EPHB3: variants seen among roughly 807,000 people sequenced by gnomAD.
EPHB3 encodes EPH receptor B3.
EPHB3 carries 33 observed loss-of-function variants against 100.2 expected under a neutral mutation model. The observed-to-expected ratio is 0.33, with a 90% CI of 0.25 to 0.44. EPHB3 has a LOEUF of 0.44. Ranked by LOEUF, EPHB3 falls within the 20% of genes least tolerant of loss-of-function variation. The pLI is 1.00. For synonymous variants in EPHB3, 526 were observed against 554.7 expected (o/e 0.95, Z 0.73); for missense variants, 1,045 against 1,378.3 (o/e 0.76, Z 3.83).
At position 184,580,564 on chromosome 3, in the gene EPHB3, C is replaced by T; in HGVS notation, c.2335C>T (p.Leu779Phe). 1 of 1,614,208 alleles carries T rather than the reference C, an allele frequency of 6.2e-7. No individual in the cohort carries two copies. The highest frequency in any genetic ancestry group is 8.5e-7 in the Non-Finnish European group (1 of 1,180,022). The stretch of plus-strand genomic sequence containing the variant: ...GGTCTGCAAAGTCTCAGACTTTGGC[C>T]TCTCCCGCTTCCTGGAGGATGACCC... ...NLVCKVSDFG[L>F]SRFLEDDPSD... Residue 779 changes from leucine (L) to phenylalanine (F), a missense_variant, in exon 12 of 16, where the codon CTC becomes TTC. Physicochemically the swap from Leu to Phe is conservative, Grantham distance 22. Around this residue, in one of 2 missense-constraint regions of EPHB3, gnomAD observed 985 missense variants for 1,331.1 expected, o/e 0.74. Coordinates refer to ENST00000330394, the MANE Select transcript of EPHB3 (RefSeq NM_004443.4).
chr3:184,576,710 A>G, intron 4 of EPHB3, 132 bp from the exon 5 acceptor site: 1 of 829,614 alleles, frequency 1.2e-6, no homozygotes, highest in Non-Finnish European at 1.8e-6. Context: ...AAATGTAGGA[A>G]CGTTATTCTG....
In EPHB3 at chr3:184,565,912, G is replaced by A. The variant is rs1036858339; in HGVS notation, c.118+3559G>A. On this transcript the variant is annotated intron_variant, in intron 1 of 15. Coordinates refer to ENST00000330394, the MANE Select transcript of EPHB3 (RefSeq NM_004443.4). The surrounding 1 kb of genome is among the most constrained non-coding windows in gnomAD (Gnocchi z 4.8). ...GCCGTGGGCAAGGCCTCTGCCGCACGGCCTTCCACTAATTAAACAGCATGA... is the reference window on the plus strand; with the variant it reads ...GCCGTGGGCAAGGCCTCTGCCGCACAGCCTTCCACTAATTAAACAGCATGA... Among the ~76,000 whole-genome samples the A allele has an allele frequency of 1.2e-4, 18 of 152,330 alleles. No individual in the cohort carries two copies. The highest frequency in any genetic ancestry group is 3.8e-4 in the African/African-American group (16 of 41,566).
Position 184,565,159 on chromosome 3 carries a change from T to C in EPHB3, c.118+2806T>C, listed in dbSNP as rs1714351792. Among the ~76,000 whole-genome samples the C allele has an allele frequency of 2.0e-5, 3 of 152,064 alleles. No homozygotes were observed. The highest frequency in any genetic ancestry group is 2.0e-4 in the Admixed American group (3 of 15,264). ...TGTGGATGGAGCCTGGGTCCTTGCT[T>C]GTCCTCGTGGTTGAAAACATGCCCT... On this transcript the variant is annotated intron_variant, in intron 1 of 15. Coordinates refer to ENST00000330394, the MANE Select transcript of EPHB3 (RefSeq NM_004443.4). The surrounding 1 kb of genome is among the most constrained non-coding windows in gnomAD (Gnocchi z 4.8).
chr3:184,579,581 G>A lies in EPHB3; in HGVS notation c.1906G>A (p.Glu636Lys). 2.5e-6 allele frequency: 4 copies of A among 1,614,028 alleles called. No homozygotes were observed. The highest frequency in any genetic ancestry group is 1.3e-5 in the African/African-American group (1 of 74,980). The change falls in exon 10 of 16, where the codon GAG (glutamate) becomes AAG (lysine). Residue 636 changes from glutamate (E) to lysine (K), a missense_variant. By Grantham distance (56) the Glu-to-Lys change is moderately conservative. Around this residue, in one of 2 missense-constraint regions of EPHB3, gnomAD observed 985 missense variants for 1,331.1 expected, o/e 0.74. Transcript: ENST00000330394. This position sits in a 1 kb window ranked among gnomAD's most constrained non-coding sequence, Gnocchi z 5.2. Reference protein sequence around the residue: ...KEIDVSCVKIEEVIGAGEFGE... With the variant: ...KEIDVSCVKIKEVIGAGEFGE... ...GATCGACGTGTCCTGCGTCAAGATC[G>A]AGGAGGTGATCGGAGCTGGTGAGTC...
intron 1 of EPHB3, among the ~76,000 whole-genome samples, chr3:184,564,199 ACCTCC>A (rs1714326091): frequency 6.6e-6 from 1 of 151,898 alleles, no homozygotes; most frequent in Non-Finnish European, 1.5e-5. Context: ...CGGCCTGCCC[ACCTCC>A]CCTCCACTGT....
rs994510785 is a variant in EPHB3 at position 184,569,420 on chromosome 3, C to G, written c.119-1898C>G. 2.0e-5 allele frequency among the ~76,000 whole-genome samples: 3 copies of G among 151,874 alleles called. No individual in the cohort carries two copies. Among genetic ancestry groups the G allele is most frequent in the African/African-American group, 7.3e-5 (3 of 41,356 alleles). ...CGCCAGCCGGCTCCGCACATCCCTC[C>G]GGCTCCGTGCCGCCCACCGCCCGCC... On this transcript the variant is annotated intron_variant, in intron 1 of 15. Coordinates refer to ENST00000330394, the MANE Select transcript of EPHB3 (RefSeq NM_004443.4). The surrounding 1 kb of genome is among the most constrained non-coding windows in gnomAD (Gnocchi z 5.4).
At position 184,575,950 on chromosome 3, in the gene EPHB3, G is replaced by C; in HGVS notation, c.977G>C (p.Arg326Pro). 6.2e-7 allele frequency: 1 copy of C among 1,613,708 alleles called. No homozygotes were observed. The highest frequency in any genetic ancestry group is 8.5e-7 in the Non-Finnish European group (1 of 1,179,806). ...TGCACCTGCCACAATAACTTCTACC[G>C]TGCAGACTCGGACTCTGCGGACAGT... ...SICTCHNNFY[R>P]ADSDSADSAC... The change falls in exon 4 of 16, where the codon CGT becomes CCT. Residue 326 changes from arginine (R) to proline (P), a missense_variant. Physicochemically the swap from Arg to Pro is moderately radical, Grantham distance 103. Transcript: ENST00000330394.
chr3:184,575,245 C>T (rs1333287723), intron 3 of EPHB3: 4 of 984,744 alleles, frequency 4.1e-6, no homozygotes, highest in Non-Finnish European at 4.8e-6. Context: ...TCCAGGTGAC[C>T]CCAGCCTTCC....
rs35514470 is a variant in EPHB3 at position 184,582,253 on chromosome 3, A to AGTGT, written c.*653_*656dup. On this transcript the variant is annotated 3_prime_UTR_variant, in exon 16 of 16. Transcript: ENST00000330394. The stretch of plus-strand genomic sequence containing the variant: ...CTCAGAGCCAGAGATGGGATGTGTG[A>AGTGT]GTGTGTGTGTGTGTGTGTGTGTGTG... 71 of 150,780 alleles carry AGTGT rather than the reference A, an allele frequency of 4.7e-4. No individual in the cohort carries two copies. Among genetic ancestry groups the AGTGT allele is most frequent in the Non-Finnish European group, 8.4e-4 (57 of 67,998 alleles). The allele number at this position is 150,780 out of a possible 1,614,324, so 9.3% of individuals were successfully genotyped here.
intron 1 of EPHB3, among the ~76,000 whole-genome samples, chr3:184,568,598 C>G (rs1560054810): frequency 6.6e-6 from 1 of 150,666 alleles, no homozygotes; most frequent in East Asian, 1.9e-4. Context: ...TATGACCCCC[C>G]CCCCACATCC....
In EPHB3 at chr3:184,578,768, G is replaced by A. The variant is rs113771686; in HGVS notation, c.1801+302G>A. Among the ~76,000 whole-genome samples the A allele has an allele frequency of 6.1e-3, 927 of 152,310 alleles. 8 individuals are homozygous for A. Among genetic ancestry groups the A allele is most frequent in the African/African-American group, 0.021 (874 of 41,560 alleles). On this transcript the variant is annotated intron_variant, in intron 9 of 15. Coordinates refer to ENST00000330394, the MANE Select transcript of EPHB3 (RefSeq NM_004443.4). This position sits in a 1 kb window ranked among gnomAD's most constrained non-coding sequence, Gnocchi z 4.7. ...TTGAGAACAATTAAGGGTTGAGCTG[G>A]GTGCTCCTGTTGTAAAGGGCACTAA...
intron 1 of EPHB3, among the ~76,000 whole-genome samples, chr3:184,570,956 C>CTTTT (rs35707076): frequency 5.8e-5 from 8 of 137,456 alleles, no homozygotes; most frequent in African/African-American, 1.9e-4. Context: ...TTCTTTCTTT[C>CTTTT]TTTTTTTTTT....
intron 1 of EPHB3, among the ~76,000 whole-genome samples, chr3:184,567,808 C>T (rs770625665): frequency 2.6e-5 from 4 of 152,110 alleles, no homozygotes; most frequent in African/African-American, 9.7e-5. Flanking sequence ...GGGTGAGTGC[C>T]CTCTGTGTGC....
rs1182532667 is a variant in EPHB3, at chr3:184,577,428, C to A, written c.1440C>A (p.Asn480Lys). 1 of 1,614,040 alleles carries A rather than the reference C, an allele frequency of 6.2e-7. No homozygotes were observed. The highest frequency in any genetic ancestry group is 1.7e-5 in the Admixed American group (1 of 60,024). Residue 480 changes from asparagine (N) to lysine (K), a missense_variant, in exon 6 of 16, where the codon AAC becomes AAA. This residue lies in a region of EPHB3 where 985 missense variants were observed against 1,331.1 expected (regional missense o/e 0.74). Coordinates refer to ENST00000330394, the MANE Select transcript of EPHB3 (RefSeq NM_004443.4). This position sits in a 1 kb window ranked among gnomAD's most constrained non-coding sequence, Gnocchi z 4.9. ...CCTGGGCACCCCCAGAGCGGCCCAACGGAGTCATCCTGGACTACGAGATGA... is the reference window on the plus strand; with the variant it reads ...CCTGGGCACCCCCAGAGCGGCCCAAAGGAGTCATCCTGGACTACGAGATGA... Reference protein sequence around the residue: ...TLSWAPPERPNGVILDYEMKY... With the variant: ...TLSWAPPERPKGVILDYEMKY...
rs143288110 is a variant in EPHB3, at chr3:184,578,426, C to G, written c.1761C>G (p.His587Gln). 2 of 1,614,038 alleles carry G rather than the reference C, an allele frequency of 1.2e-6. No individual in the cohort carries two copies. The highest frequency in any genetic ancestry group is 1.7e-6 in the Non-Finnish European group (2 of 1,179,988). The change falls in exon 9 of 16, where the codon CAC (histidine) becomes CAG (glutamine). Residue 587 changes from histidine (H) to glutamine (Q), a missense_variant. His to Gln is a conservative substitution (Grantham distance 24, BLOSUM62 0). Around this residue, in one of 2 missense-constraint regions of EPHB3, gnomAD observed 985 missense variants for 1,331.1 expected, o/e 0.74. Coordinates refer to ENST00000330394, the MANE Select transcript of EPHB3 (RefSeq NM_004443.4). This position sits in a 1 kb window ranked among gnomAD's most constrained non-coding sequence, Gnocchi z 4.7. The stretch of plus-strand genomic sequence containing the variant: ...TGCCACCCTACAGGAAGCAGCGACA[C>G]GGCTCTGATTCGGAGTACACGGAGA... The part of the protein sequence containing the change: ...IAIVCLRKQR[H>Q]GSDSEYTEKL...
Position 184,573,205 on chromosome 3 carries a change from T to G in EPHB3, c.856+29T>G. ...AGTGGGGACTGTCCTGGGGAAAGGG[T>G]TGTCGGGAGGGCCTGGGCCACAGCT... On this transcript the variant is annotated intron_variant, in intron 3 of 15. Coordinates refer to ENST00000330394, the MANE Select transcript of EPHB3 (RefSeq NM_004443.4). The surrounding 1 kb of genome is among the most constrained non-coding windows in gnomAD (Gnocchi z 4.5). The G allele has an allele frequency of 6.2e-7, 1 of 1,605,850 alleles. No individual in the cohort carries two copies.
At chr3:184,576,704 G>A in intron 4 of EPHB3, 138 bp from the exon 5 acceptor site, 1 of 793,980 alleles carries the variant, frequency 1.3e-6, no homozygotes, top group Non-Finnish European at 1.9e-6. Flanking sequence ...GTGAAGAAAT[G>A]TAGGAACGTT....
In EPHB3 at chr3:184,576,909, T is replaced by G; in HGVS notation, c.1080T>G (p.Ser360Arg). Reference sequence around the variant, plus strand: ...AAACCTCACTGATCCTCGAGTGGAGTGAGCCCCGGGACCTGGGTGGCCGGG... The same window carrying G: ...AAACCTCACTGATCCTCGAGTGGAGGGAGCCCCGGGACCTGGGTGGCCGGG... ...VNETSLILEW[S>R]EPRDLGGRDD... The change falls in exon 5 of 16, where the codon AGT becomes AGG. Residue 360 changes from serine to arginine, a missense_variant. Physicochemically the swap from Ser to Arg is moderately radical, Grantham distance 110. Coordinates refer to ENST00000330394, the MANE Select transcript of EPHB3 (RefSeq NM_004443.4). 6.3e-7 allele frequency: 1 copy of G among 1,589,522 alleles called. No homozygotes were observed. The highest frequency in any genetic ancestry group is 8.6e-7 in the Non-Finnish European group (1 of 1,164,822).
chr3:184,566,024 G>A (rs1326322151), intron 1 of EPHB3, among the ~76,000 whole-genome samples: 2 of 152,126 alleles, frequency 1.3e-5, no homozygotes, highest in African/African-American at 4.8e-5. Context: ...GGATTGGGCA[G>A]CTGGGGGGGG....
Sources: gnomAD v4.1 joint callset for allele counts (sites outside exome capture counted in the v4.1 genomes callset) on GRCh38, gnomAD v4.1.1 for gene constraint, gnomAD v4.1.1 regional missense constraint, Gnocchi (gnomAD v3.1) non-coding constraint, MANE v1.5 for transcripts, NCBI Gene and HGNC (gene_info 2026-07-23, HGNC 2026-07-21) for gene names.